The following PDLIM5 variants were observed in gnomAD, a reference collection of about 807,000 sequenced individuals.
PDLIM5 encodes the protein PDZ and LIM domain protein 5.
PDLIM5 carries 34 observed loss-of-function variants against 64.2 expected under a neutral mutation model. The ratio of observed to expected loss-of-function variants is 0.53; its 90% CI spans 0.40 to 0.71. The LOEUF is 0.71. PDLIM5 is among the 30% of genes least tolerant of loss of function. The pLI is 0.00. For missense variants in PDLIM5, 683 were observed against 733.6 expected (o/e 0.93, Z 0.80); for synonymous variants, 253 against 269.1 (o/e 0.94, Z 0.59).
intron 2 of PDLIM5, among the ~76,000 whole-genome samples, chr4:94,458,035 G>C (rs908894887): frequency 6.6e-6 from 1 of 152,170 alleles, no homozygotes; most frequent in Non-Finnish European, 1.5e-5. Flanking sequence ...GGGCTGCTAG[G>C]CTCTTGGCCT....
chr4:94,630,551 T>G (rs953271147), intron 8 of PDLIM5, among the ~76,000 whole-genome samples: 1 of 152,024 alleles, frequency 6.6e-6, no homozygotes, highest in Non-Finnish European at 1.5e-5. Context: ...TTTTTGTATT[T>G]TTTCATAGAG....
rs1304412751 is a variant in PDLIM5, at chr4:94,664,094, G to T, written c.*27G>T. 4 of 1,494,784 alleles carry T rather than the reference G, an allele frequency of 2.7e-6. No individual in the cohort carries two copies. In the African/African-American group the frequency reaches 5.7e-5, roughly 21 times the overall value. The allele number at this position is 1,494,784 out of a possible 1,614,324, so 92.6% of individuals were successfully genotyped here. On this transcript the variant is annotated 3_prime_UTR_variant, in exon 13 of 13. Coordinates refer to ENST00000317968, the MANE Select transcript of PDLIM5 (RefSeq NM_006457.5). ...AGTCAACAGTTCAGGAGAAGAGAAG[G>T]AATTTGAAGAGAAAAAGGAAAATTA...
chr4:94,462,141 G>A (rs1258833910), intron 2 of PDLIM5, among the ~76,000 whole-genome samples: 1 of 152,162 alleles, frequency 6.6e-6, no homozygotes, highest in Non-Finnish European at 1.5e-5. Context: ...GGGATTACAG[G>A]CGTGAGCCAC....
chr4:94,646,164 A>T (rs1435746089), intron 9 of PDLIM5, among the ~76,000 whole-genome samples: 5 of 152,180 alleles, frequency 3.3e-5, no homozygotes, highest in Non-Finnish European at 7.3e-5. Flanking sequence ...TACTGTTGTG[A>T]ACCGAATTGT....
Position 94,488,816 on chromosome 4 carries a change from CTT to C in PDLIM5, c.96+33434_96+33435del, listed in dbSNP as rs781214348. Among the ~76,000 whole-genome samples the C allele has an allele frequency of 4.6e-5, 7 of 152,334 alleles. No individual in the cohort carries two copies. In the East Asian group the frequency reaches 1.4e-3, roughly 29 times the overall value. On this transcript the variant is annotated intron_variant, in intron 2 of 12. Transcript: ENST00000317968. ...GTTTTACATTCCCCCTCTCCACCCTCTTTGTTTATTGGACTGTTTTAGTCATC... is the reference window on the plus strand; with the variant it reads ...GTTTTACATTCCCCCTCTCCACCCTCTGTTTATTGGACTGTTTTAGTCATC...
chr4:94,593,767 A>G (rs1736855888), intron 7 of PDLIM5, among the ~76,000 whole-genome samples: 1 of 152,190 alleles, frequency 6.6e-6, no homozygotes, highest in Non-Finnish European at 1.5e-5. Flanking sequence ...ACTAATCCTC[A>G]TTTTGACAGA....
intron 7 of PDLIM5, among the ~76,000 whole-genome samples, chr4:94,593,558 A>G (rs541827761): frequency 3.2e-4 from 48 of 152,150 alleles, no homozygotes; most frequent in African/African-American, 1.1e-3. Context: ...TGTTCTTCTC[A>G]TGAAAGCTCT....
chr4:94,598,796 G>GT (rs1300880378), intron 7 of PDLIM5, among the ~76,000 whole-genome samples: 1 of 152,044 alleles, frequency 6.6e-6, no homozygotes, highest in African/African-American at 2.4e-5. Flanking sequence ...GAGGGGAAGA[G>GT]TAAGGTCATT....
chr4:94,490,017 A>G (rs1726719193), intron 2 of PDLIM5, among the ~76,000 whole-genome samples: 1 of 151,788 alleles, frequency 6.6e-6, no homozygotes, highest in Admixed American at 6.6e-5. Context: ...TTCTACTGAT[A>G]TTGTAATTAT....
intron 3 of PDLIM5, among the ~76,000 whole-genome samples, chr4:94,569,551 C>T (rs148244742): frequency 1.8e-3 from 273 of 152,192 alleles, no homozygotes; most frequent in African/African-American, 6.2e-3. Context: ...AACTCCTGAC[C>T]TCAGGTGATC....
rs1722881904 is a variant in PDLIM5 at position 94,451,977 on chromosome 4, G to A, written c.-61G>A. ...CCTTGTCTGAGGCGGAGGCAGCCCC[G>A]CGCCGCGCCGGACCCGAGGTGAGTG... is the stretch of plus-strand genomic sequence containing the variant. On this transcript the variant is annotated 5_prime_UTR_variant, in exon 1 of 13. Coordinates refer to ENST00000317968, the MANE Select transcript of PDLIM5 (RefSeq NM_006457.5). 1 of 152,280 alleles carries A rather than the reference G, an allele frequency of 6.6e-6. No homozygotes were observed. Among genetic ancestry groups the A allele is most frequent in the Non-Finnish European group, 1.5e-5 (1 of 68,124 alleles). 9.4% of individuals were successfully genotyped at this position (152,280 alleles called of 1,614,324 possible).
intron 8 of PDLIM5, among the ~76,000 whole-genome samples, chr4:94,624,104 G>C (rs1739469452): frequency 6.6e-6 from 1 of 151,732 alleles, no homozygotes; most frequent in Admixed American, 6.6e-5. Context: ...GAGGTCAGGG[G>C]TTTGAGACCA....
chr4:94,653,163 T>A (rs922125291), intron 9 of PDLIM5, among the ~76,000 whole-genome samples: 27 of 152,100 alleles, frequency 1.8e-4, no homozygotes, highest in African/African-American at 6.3e-4. Context: ...AAAGGCAGAA[T>A]ATCAGTTGAC....
At chr4:94,617,872 C>T in intron 7 of PDLIM5, 132 bp from the exon 8 acceptor site, 1 of 476,644 alleles carries the variant, frequency 2.1e-6, no homozygotes, top group East Asian at 3.3e-5. Context: ...GTCATGACTT[C>T]AAAGATTTTC....
chr4:94,506,606 C>T (rs1310735110), intron 2 of PDLIM5, among the ~76,000 whole-genome samples: 4 of 152,164 alleles, frequency 2.6e-5, no homozygotes, highest in African/African-American at 9.7e-5. Flanking sequence ...AAAGGTCCCA[C>T]ATCTAAATAC....
At chr4:94,577,466 GATATAT>G (rs10591059) in intron 5 of PDLIM5, 13 of 367,816 alleles carry the variant, frequency 3.5e-5, no homozygotes, top group South Asian at 5.8e-5. Context: ...CTAAAGTTCT[GATATAT>G]ATATATATAT....
At chr4:94,568,027 C>T (rs1734487216) in intron 3 of PDLIM5, among the ~76,000 whole-genome samples, 1 of 152,136 alleles carries the variant, frequency 6.6e-6, no homozygotes, top group Non-Finnish European at 1.5e-5. Flanking sequence ...TTTCTTATAT[C>T]AGTATCTGAA....
intron 7 of PDLIM5, 106 bp downstream of exon 7, chr4:94,586,550 G>C: frequency 1.5e-6 from 1 of 665,804 alleles, no homozygotes; most frequent in Non-Finnish European, 2.7e-6. Context: ...CGTCTTTGCA[G>C]CTAGAAGCTA....
chr4:94,576,772 G>T (rs867777020), intron 5 of PDLIM5, among the ~76,000 whole-genome samples: 1 of 152,022 alleles, frequency 6.6e-6, no homozygotes, highest in Non-Finnish European at 1.5e-5. Flanking sequence ...CCTTTTGGGG[G>T]TATCTTTTTA....
Sources: gnomAD v4.1 joint callset for allele counts (sites outside exome capture counted in the v4.1 genomes callset) on GRCh38, gnomAD v4.1.1 for gene constraint, MANE v1.5 for transcripts, NCBI Gene and HGNC (gene_info 2026-07-23, HGNC 2026-07-21) for gene names.